Variants in SUGCT observed in about 807,000 individuals in gnomAD.
SUGCT encodes the protein succinyl-CoA:glutarate-CoA transferase.
SUGCT carries 41 observed loss-of-function variants against 55.0 expected under a neutral mutation model. The observed-to-expected ratio is 0.74, with a 90% confidence interval of 0.58 to 0.97. The LOEUF (loss-of-function observed/expected upper bound fraction) is 0.97. SUGCT is among the 50% of genes least tolerant of loss of function. The pLI is 0.00. For missense variants in SUGCT, 568 were observed against 547.8 expected, an observed-to-expected ratio of 1.04 and a Z score of -0.37; for synonymous variants, 187 against 200.4, an observed-to-expected ratio of 0.93 and a Z score of 0.56.
intron 12 of SUGCT, 67 bp downstream of exon 12, chr7:40,496,453 G>A (rs1791981441): frequency 1.9e-6 from 2 of 1,028,658 alleles, no homozygotes; most frequent in Non-Finnish European, 3.0e-6. Flanking sequence ...AGGTACCTTT[G>A]CCATTGATCG....
At chr7:40,250,089 A>G (rs1405731529) in intron 7 of SUGCT, among the ~76,000 whole-genome samples, 1 of 151,840 alleles carries the variant, frequency 6.6e-6, no homozygotes, top group African/African-American at 2.4e-5. Flanking sequence ...GCCCGGCTTA[A>G]TTGGCTTTTA....
rs560376802 is a variant in SUGCT at position 40,759,058 on chromosome 7, G to C, written c.1153+9561G>C. ...GAGGCGTGGATGTGGTCAAATAAAA[G>C]TACCAAGAAGATGCTGCAGCCACAA... On this transcript the variant is annotated intron_variant, in intron 13 of 13. Coordinates refer to ENST00000335693, the MANE Select transcript of SUGCT (RefSeq NM_001193313.2). Among the ~76,000 whole-genome samples, 23 of 152,214 alleles carry C rather than the reference G, an allele frequency of 1.5e-4. No individual in the cohort carries two copies. In the South Asian group the frequency reaches 4.8e-3, roughly 32 times the overall value.
intron 12 of SUGCT, among the ~76,000 whole-genome samples, chr7:40,589,479 A>G (rs1797593314): frequency 6.6e-6 from 1 of 152,102 alleles, no homozygotes; most frequent in Non-Finnish European, 1.5e-5. Flanking sequence ...ATGGTAAAGG[A>G]CCAGAAGAGA....
intron 9 of SUGCT, among the ~76,000 whole-genome samples, chr7:40,332,390 G>T (rs1377016929): frequency 6.6e-6 from 1 of 150,486 alleles, no homozygotes; most frequent in African/African-American, 2.4e-5. Flanking sequence ...AGAGCATTAT[G>T]TATCTTAAAA....
intron 6 of SUGCT, among the ~76,000 whole-genome samples, chr7:40,236,081 A>G (rs1390544750): frequency 6.6e-6 from 1 of 151,976 alleles, no homozygotes; most frequent in Non-Finnish European, 1.5e-5. Context: ...TTTTTGAGGC[A>G]GAGTCTTTCT....
At chr7:40,917,953 G>C in the SUGCT span, among the ~76,000 whole-genome samples, 6 of 152,060 alleles carry the variant, frequency 3.9e-5, no homozygotes, top group Admixed American at 6.6e-5. Flanking sequence ...ATTTTGGCTG[G>C]ATACAATCAT....
At chr7:40,224,448 G>A (rs2150836319) in intron 6 of SUGCT, among the ~76,000 whole-genome samples, 1 of 151,772 alleles carries the variant, frequency 6.6e-6, no homozygotes, top group Non-Finnish European at 1.5e-5. Context: ...GTGTATAAGT[G>A]TGTGTATGTG....
chr7:40,884,212 C>G, the SUGCT span, among the ~76,000 whole-genome samples: 3 of 152,192 alleles, frequency 2.0e-5, no homozygotes, highest in Non-Finnish European at 4.4e-5. Context: ...GAAACTGCTA[C>G]CTGGCTGATT....
At chr7:40,443,370 C>T (rs1184192585) in intron 9 of SUGCT, among the ~76,000 whole-genome samples, 1 of 152,196 alleles carries the variant, frequency 6.6e-6, no homozygotes, top group Non-Finnish European at 1.5e-5. Flanking sequence ...TTCTCCACAT[C>T]CACTCCAGCA....
intron 7 of SUGCT, among the ~76,000 whole-genome samples, chr7:40,266,513 A>G (rs998685863): frequency 1.3e-5 from 2 of 151,858 alleles, no homozygotes; most frequent in African/African-American, 4.8e-5. Flanking sequence ...TCTTCACCCC[A>G]TTTCCTTTAA....
intron 6 of SUGCT, among the ~76,000 whole-genome samples, chr7:40,205,756 T>C (rs1452929111): frequency 2.0e-5 from 3 of 151,862 alleles, no homozygotes; most frequent in Non-Finnish European, 2.9e-5. Context: ...TGTACATAAA[T>C]GTATGTGGTC....
chr7:40,791,251 T>G (rs1790295314), intron 13 of SUGCT, among the ~76,000 whole-genome samples: 1 of 152,238 alleles, frequency 6.6e-6, no homozygotes, highest in Non-Finnish European at 1.5e-5. Context: ...AACACAAATT[T>G]GTCTTCATCA....
At chr7:40,844,702 G>A (rs1016115003) in intron 13 of SUGCT, among the ~76,000 whole-genome samples, 1 of 152,246 alleles carries the variant, frequency 6.6e-6, no homozygotes, top group African/African-American at 2.4e-5. Context: ...AGGCTTGAGG[G>A]TGGGGCCCTC....
At chr7:40,595,322 G>A (rs1797947755) in intron 12 of SUGCT, among the ~76,000 whole-genome samples, 2 of 152,256 alleles carry the variant, frequency 1.3e-5, no homozygotes, top group Middle Eastern at 6.8e-3. Flanking sequence ...TCCCATTTGT[G>A]GAGCCTTCAG....
intron 13 of SUGCT, among the ~76,000 whole-genome samples, chr7:40,800,004 C>T (rs1396484051): frequency 6.6e-6 from 1 of 152,158 alleles, no homozygotes; most frequent in African/African-American, 2.4e-5. Flanking sequence ...TACAGTGGCT[C>T]CACTCACTGT....
At chr7:40,306,606 AT>A (rs1794864247) in intron 8 of SUGCT, among the ~76,000 whole-genome samples, 1 of 152,226 alleles carries the variant, frequency 6.6e-6, no homozygotes. Flanking sequence ...ATAATGTAAT[AT>A]TTTATTCTAC....
At chr7:40,582,870 G>A in intron 12 of SUGCT, among the ~76,000 whole-genome samples, 1 of 152,116 alleles carries the variant, frequency 6.6e-6, no homozygotes, top group East Asian at 1.9e-4. Flanking sequence ...GTTTAATAAT[G>A]TCAATACAGG....
chr7:40,297,550 A>C (rs367988440), intron 8 of SUGCT, among the ~76,000 whole-genome samples: 1 of 152,094 alleles, frequency 6.6e-6, no homozygotes, highest in Non-Finnish European at 1.5e-5. Flanking sequence ...TTTGAGGAAA[A>C]GTACTCCAGT....
chr7:40,775,344 C>T (rs1370034296), intron 13 of SUGCT, among the ~76,000 whole-genome samples: 1 of 152,204 alleles, frequency 6.6e-6, no homozygotes, highest in Admixed American at 6.5e-5. Flanking sequence ...CTAGCTTATA[C>T]ATACACAAGG....
Sources: gnomAD v4.1 joint callset for allele counts (sites outside exome capture counted in the v4.1 genomes callset) on GRCh38, gnomAD v4.1.1 for gene constraint, MANE v1.5 for transcripts, NCBI Gene and HGNC (gene_info 2026-07-23, HGNC 2026-07-21) for gene names.